Variants in ELAVL2 observed in about 807,000 individuals in gnomAD.
The protein encoded by ELAVL2 is ELAV like RNA binding protein 2.
ELAVL2 carries 4 observed loss-of-function variants against 34.6 expected under a neutral mutation model. The ratio of observed to expected loss-of-function variants is 0.12; its 90% CI spans 0.06 to 0.26. The LOEUF is 0.26. Among genes scored for constraint, ELAVL2 ranks in the 10% least tolerant of loss-of-function variants. The probability of loss-of-function intolerance (pLI) is 1.00; values close to 1 mark genes in which losing one functional copy is unlikely to be tolerated. For missense variants in ELAVL2, 432 were observed against 442.8 expected, an observed-to-expected ratio of 0.98 and a Z score of 0.22; for synonymous variants, 193 against 154.8, an observed-to-expected ratio of 1.25 and a Z score of -1.83.
chr9:23,812,126 T>G (rs1392336191), intron 1 of ELAVL2, among the ~76,000 whole-genome samples: 2 of 152,068 alleles, frequency 1.3e-5, no homozygotes, highest in Non-Finnish European at 2.9e-5. Context: ...TGTGTGATTT[T>G]TTTTTAAGTT....
chr9:23,698,331 G>C (rs2035977623), intron 5 of ELAVL2, among the ~76,000 whole-genome samples: 1 of 152,168 alleles, frequency 6.6e-6, no homozygotes, highest in African/African-American at 2.4e-5. Flanking sequence ...AAGCGTATTA[G>C]ACCAGCAGTG....
intron 1 of ELAVL2, chr9:23,765,030 C>G: frequency 1.2e-6 from 2 of 1,609,228 alleles, no homozygotes; most frequent in Non-Finnish European, 1.7e-6. Context: ...GCTCTGCTGC[C>G]CACGAACCAC....
chr9:23,720,087 A>G (rs1304859862), intron 3 of ELAVL2, among the ~76,000 whole-genome samples: 3 of 152,046 alleles, frequency 2.0e-5, no homozygotes, highest in Non-Finnish European at 4.4e-5. Flanking sequence ...TCAGCCTCCC[A>G]AAGTGCTGGG....
intron 3 of ELAVL2, among the ~76,000 whole-genome samples, chr9:23,725,397 C>A (rs549160192): frequency 9.2e-5 from 14 of 152,276 alleles, no homozygotes; most frequent in African/African-American, 3.1e-4. Context: ...AAGTCATGAA[C>A]TCCCAGCATT....
At chr9:23,701,105 A>G (rs530906325) in intron 5 of ELAVL2, among the ~76,000 whole-genome samples, 1 of 152,228 alleles carries the variant, frequency 6.6e-6, no homozygotes, top group Admixed American at 6.5e-5. Context: ...ACCTCTAGAC[A>G]TTGCCAAATG....
intron 5 of ELAVL2, among the ~76,000 whole-genome samples, chr9:23,696,692 G>A (rs920999102): frequency 5.9e-5 from 9 of 151,832 alleles, no homozygotes; most frequent in Admixed American, 3.9e-4. Flanking sequence ...TGATGGTCTC[G>A]ATCTCCTGAC....
In ELAVL2 at chr9:23,748,683, T is replaced by C. The variant is rs532635636; in HGVS notation, c.229+13323A>G. Among the ~76,000 whole-genome samples the C allele has an allele frequency of 1.6e-4, 25 of 152,270 alleles. No homozygotes were observed. In the South Asian group the frequency reaches 3.9e-3, roughly 24 times the overall value. ...ATATTGCACAAATTCAGTATTTTAA[T>C]TGGACGTTTCTTTTACGGGGAATGT... On this transcript the variant is annotated intron_variant, in intron 2 of 6. Transcript: ENST00000397312.
chr9:23,845,709 T>C, the ELAVL2 span, among the ~76,000 whole-genome samples: 1 of 151,854 alleles, frequency 6.6e-6, no homozygotes, highest in Non-Finnish European at 1.5e-5. Flanking sequence ...ACTTACAAAA[T>C]GGATGTATCA....
At chr9:23,735,225 C>T (rs1404182692) in intron 2 of ELAVL2, 1 of 150,944 alleles carries the variant, frequency 6.6e-6, no homozygotes, top group Non-Finnish European at 1.5e-5. Flanking sequence ...CTCAGCTATT[C>T]TCAGAAGCTA....
chr9:23,768,568 A>G (rs535693705), intron 1 of ELAVL2, among the ~76,000 whole-genome samples: 50 of 152,112 alleles, frequency 3.3e-4, no homozygotes, highest in Non-Finnish European at 6.6e-4. Flanking sequence ...GTAATTATGA[A>G]AGCATATTTT....
chr9:23,774,582 A>T (rs1425246814), intron 1 of ELAVL2, among the ~76,000 whole-genome samples: 1 of 152,182 alleles, frequency 6.6e-6, no homozygotes, highest in African/African-American at 2.4e-5. Context: ...TAACAGCCCA[A>T]GTACTTCACA....
intron 1 of ELAVL2, among the ~76,000 whole-genome samples, chr9:23,824,570 A>G (rs896629194): frequency 1.2e-4 from 19 of 152,036 alleles, no homozygotes; most frequent in African/African-American, 4.6e-4. Flanking sequence ...ACACTCACCC[A>G]CACCCCCTCG....
chr9:23,799,860 T>G (rs978333598), intron 1 of ELAVL2, among the ~76,000 whole-genome samples: 2 of 152,220 alleles, frequency 1.3e-5, no homozygotes, highest in Non-Finnish European at 2.9e-5. Context: ...AAGCCCTTTG[T>G]AGTTTCCCAT....
chr9:23,807,547 T>C (rs1408970998), intron 1 of ELAVL2, among the ~76,000 whole-genome samples: 1 of 151,968 alleles, frequency 6.6e-6, no homozygotes, highest in Non-Finnish European at 1.5e-5. Flanking sequence ...CTCCAACAAA[T>C]ATTTTAAAAA....
intron 1 of ELAVL2, among the ~76,000 whole-genome samples, chr9:23,773,370 C>CT: frequency 6.6e-6 from 1 of 152,030 alleles, no homozygotes; most frequent in East Asian, 2.0e-4. Flanking sequence ...AGATTGATGA[C>CT]CTCACCATCT....
At chr9:23,698,507 T>C (rs1216794703) in intron 5 of ELAVL2, among the ~76,000 whole-genome samples, 1 of 152,174 alleles carries the variant, frequency 6.6e-6, no homozygotes, top group Non-Finnish European at 1.5e-5. Context: ...CCATAATACA[T>C]ATAACTTATA....
chr9:23,693,291 G>C (rs72693522), intron 6 of ELAVL2, among the ~76,000 whole-genome samples, 157 bp downstream of exon 6: 3 of 152,206 alleles, frequency 2.0e-5, no homozygotes, highest in Non-Finnish European at 2.9e-5. Flanking sequence ...AAAATTTCTT[G>C]AGTCAATTGT....
chr9:23,698,325 G>GT (rs1016599875), intron 5 of ELAVL2, among the ~76,000 whole-genome samples: 6 of 152,244 alleles, frequency 3.9e-5, no homozygotes, highest in African/African-American at 1.4e-4. Context: ...TTAAATAAGC[G>GT]TATTAGACCA....
chr9:23,780,687 C>G (rs1402676782), intron 1 of ELAVL2, among the ~76,000 whole-genome samples: 1 of 152,074 alleles, frequency 6.6e-6, no homozygotes, highest in Non-Finnish European at 1.5e-5. Context: ...ACAGCAGCAC[C>G]CAAAACATAA....
Sources: gnomAD v4.1 joint callset for allele counts (sites outside exome capture counted in the v4.1 genomes callset) on GRCh38, gnomAD v4.1.1 for gene constraint, MANE v1.5 for transcripts, NCBI Gene and HGNC (gene_info 2026-07-23, HGNC 2026-07-21) for gene names.